The following DISC1 variants were observed in gnomAD, a reference collection of about 807,000 sequenced individuals.
DISC1 encodes the protein disrupted in schizophrenia 1 protein.
In DISC1, 57 loss-of-function variants were observed where a neutral mutation model predicts 84.5. That is an observed-to-expected ratio of 0.67 (90% CI 0.55 to 0.84). DISC1 has a LOEUF of 0.84. DISC1 is among the 40% of genes least tolerant of loss of function. The pLI is 0.00. For missense variants in DISC1, 1,000 were observed against 1,057.8 expected (o/e 0.95, Z 0.76); for synonymous variants, 411 against 415.2 (o/e 0.99, Z 0.12).
intron 10 of DISC1, among the ~76,000 whole-genome samples, chr1:232,001,241 G>C (rs1242048256): frequency 6.6e-6 from 1 of 152,048 alleles, no homozygotes; most frequent in Non-Finnish European, 1.5e-5. Context: ...ACTGTGTCCA[G>C]CTAATTTTTG....
intron 9 of DISC1, among the ~76,000 whole-genome samples, chr1:231,840,707 T>TG (rs1553370989): frequency 0.022 from 3,346 of 151,606 alleles, 110 homozygotes; most frequent in African/African-American, 0.074. Flanking sequence ...TTTTTTTTTT[T>TG]TTGTTGTTGT....
intron 4 of DISC1, chr1:231,750,344 C>T: frequency 1.6e-6 from 2 of 1,253,664 alleles, no homozygotes; most frequent in African/African-American, 1.5e-5. Context: ...TGAAGCATCT[C>T]TTGGGAAACT....
intron 3 of DISC1, among the ~76,000 whole-genome samples, chr1:231,749,492 G>A (rs2074364827): frequency 6.6e-6 from 1 of 152,098 alleles, no homozygotes. Context: ...AACTGTGACT[G>A]GCTCTATCTG....
rs182646405 is a variant in DISC1, at chr1:231,684,201, G to C, written c.68-9625G>C. Among the ~76,000 whole-genome samples, 84 of 152,160 alleles carry C rather than the reference G, an allele frequency of 5.5e-4. 1 individual carries two copies. The highest frequency in any genetic ancestry group is 2.7e-3 in the Admixed American group (41 of 15,282). On this transcript the variant is annotated intron_variant, in intron 1 of 12. Transcript: ENST00000439617. ...GCTGGAGTGCAGTGGCTATTCATAG[G>C]AGGAATCATAGCTCATTGCAGCCCT...
chr1:231,714,106 A>T (rs1270336373), intron 3 of DISC1, among the ~76,000 whole-genome samples: 1 of 152,024 alleles, frequency 6.6e-6, no homozygotes, highest in Non-Finnish European at 1.5e-5. Flanking sequence ...GGAATGAGCA[A>T]TCCCAAATGG....
At chr1:231,846,576 G>A (rs1191128496) in intron 9 of DISC1, among the ~76,000 whole-genome samples, 1 of 152,184 alleles carries the variant, frequency 6.6e-6, no homozygotes, top group African/African-American at 2.4e-5. Context: ...TCCTGGGTTT[G>A]ACAAAGGCAG....
chr1:231,890,393 C>T (rs1036564786), intron 9 of DISC1, among the ~76,000 whole-genome samples: 2 of 152,046 alleles, frequency 1.3e-5, no homozygotes, highest in East Asian at 1.9e-4. Context: ...AATCCACTTT[C>T]GTAAAGCAAA....
intron 1 of DISC1, among the ~76,000 whole-genome samples, chr1:231,636,663 G>GT (rs1343999406): frequency 2.0e-5 from 3 of 152,038 alleles, no homozygotes; most frequent in African/African-American, 7.2e-5. Flanking sequence ...TATTACCCCT[G>GT]TTTCTGCCAT....
intron 10 of DISC1, among the ~76,000 whole-genome samples, chr1:231,983,635 G>A (rs1249788833): frequency 7.7e-6 from 1 of 129,690 alleles, no homozygotes; most frequent in Admixed American, 7.8e-5. Context: ...GGGAAGGGTT[G>A]GGGGTTGGGG....
chr1:231,832,872 A>G (rs985426445), intron 9 of DISC1, among the ~76,000 whole-genome samples: 2 of 144,652 alleles, frequency 1.4e-5, no homozygotes, highest in Middle Eastern at 3.2e-3. Context: ...AGGAGAGTTT[A>G]TAGGCTTTAA....
intron 1 of DISC1, among the ~76,000 whole-genome samples, chr1:231,658,462 C>A (rs750626431): frequency 3.9e-5 from 6 of 152,130 alleles, no homozygotes; most frequent in Non-Finnish European, 8.8e-5. Flanking sequence ...TATTTGAACA[C>A]CCTTTATTTT....
At position 232,036,817 on chromosome 1, in the gene DISC1, G is replaced by A. The variant is rs376617666; in HGVS notation, c.2551G>A (p.Glu851Lys). The A allele has an allele frequency of 1.0e-5, 16 of 1,579,258 alleles. No homozygotes were observed. Among genetic ancestry groups the A allele is most frequent in the Non-Finnish European group, 1.4e-5 (16 of 1,159,500 alleles). The change falls in exon 13 of 13, where the codon GAA becomes AAA. Residue 851 changes from glutamate to lysine, a missense_variant. Transcript: ENST00000439617. ...AASCMTAGVH[E>K]AQA ...TTCCTGCATGACAGCTGGTGTCCAC[G>A]AAGCACAAGCCTGAGGAGTGACGGG...
intron 10 of DISC1, among the ~76,000 whole-genome samples, chr1:231,970,073 T>C (rs1281773857): frequency 6.6e-6 from 1 of 152,202 alleles, no homozygotes; most frequent in East Asian, 1.9e-4. Flanking sequence ...TGTGCATGTG[T>C]CTTTATAGCA....
chr1:231,722,694 A>G (rs1243910477), intron 3 of DISC1: 4 of 1,589,706 alleles, frequency 2.5e-6, no homozygotes, highest in Non-Finnish European at 3.4e-6. Flanking sequence ...GAAAAAGAGG[A>G]CCCACGTGGA....
chr1:231,899,701 C>T (rs1337756448), intron 9 of DISC1, among the ~76,000 whole-genome samples: 3 of 152,076 alleles, frequency 2.0e-5, no homozygotes, highest in Non-Finnish European at 2.9e-5. Flanking sequence ...CCCAATCATC[C>T]CAGTGTATTT....
At chr1:231,796,530 T>C (rs549226408) in intron 7 of DISC1, among the ~76,000 whole-genome samples, 13 of 152,162 alleles carry the variant, frequency 8.5e-5, no homozygotes. Flanking sequence ...GGCAAAAATG[T>C]CTGGAGTTAC....
intron 2 of DISC1, among the ~76,000 whole-genome samples, chr1:231,700,627 G>A (rs973893905): frequency 6.6e-6 from 1 of 152,162 alleles, no homozygotes; most frequent in African/African-American, 2.4e-5. Flanking sequence ...CATAATCCCC[G>A]TTGTTCAAGG....
At chr1:231,648,821 C>T (rs1237423287) in intron 1 of DISC1, among the ~76,000 whole-genome samples, 3 of 152,112 alleles carry the variant, frequency 2.0e-5, no homozygotes, top group African/African-American at 4.8e-5. Context: ...TCCATTTCTC[C>T]TCGATTTTTC....
Position 232,009,708 on chromosome 1 carries a change from T to G in DISC1, c.2307+659T>G. On this transcript the variant is annotated intron_variant, in intron 11 of 12. Transcript: ENST00000439617. This position sits in a 1 kb window ranked among gnomAD's most constrained non-coding sequence, Gnocchi z 4.6. ...CTCCCTTCCCCTTCCACTCCTCACT[T>G]TCCTCCTCCCACCCTAACAAGAGTC... is the stretch of plus-strand genomic sequence containing the variant. The G allele has an allele frequency of 1.6e-6, 1 of 642,278 alleles. No individual in the cohort carries two copies. Among genetic ancestry groups the G allele is most frequent in the Non-Finnish European group, 1.9e-6 (1 of 517,016 alleles). The allele number at this position is 642,278 out of a possible 1,614,324, so 39.8% of individuals were successfully genotyped here. A position where few individuals can be genotyped will look rare whatever the true frequency, so the allele number is the denominator to read the frequency against.
Sources: gnomAD v4.1 joint callset for allele counts (sites outside exome capture counted in the v4.1 genomes callset) on GRCh38, gnomAD v4.1.1 for gene constraint, Gnocchi (gnomAD v3.1) non-coding constraint, MANE v1.5 for transcripts, NCBI Gene and HGNC (gene_info 2026-07-23, HGNC 2026-07-21) for gene names.